The following DLGAP4 variants were observed in gnomAD, a reference collection of about 807,000 sequenced individuals.
The protein encoded by DLGAP4 is DLG associated protein 4, also known as disks large-associated protein 4.
DLGAP4 carries 18 observed loss-of-function variants against 86.9 expected under a neutral mutation model. The ratio of observed to expected loss-of-function variants is 0.21; its 90% CI spans 0.14 to 0.31. The LOEUF (loss-of-function observed/expected upper bound fraction) is 0.31. DLGAP4 is among the 10% of genes least tolerant of loss of function. The pLI is 1.00. For synonymous variants in DLGAP4, 548 were observed against 574.3 expected (o/e 0.95, Z 0.65); for missense variants, 1,085 against 1,362.6 (o/e 0.80, Z 3.21).
chr20:36,449,401 A>T (rs566903036), intron 7 of DLGAP4, among the ~76,000 whole-genome samples: 1 of 152,334 alleles, frequency 6.6e-6, no homozygotes, highest in South Asian at 2.1e-4. Flanking sequence ...CTGAAAATAT[A>T]GACTGGTCTG....
At chr20:36,516,784 A>G (rs1167597716) in intron 10 of DLGAP4, among the ~76,000 whole-genome samples, 4 of 151,212 alleles carry the variant, frequency 2.6e-5, no homozygotes, top group Middle Eastern at 3.4e-3. Context: ...GATATGAAGG[A>G]AAAAAAATCA....
Position 36,525,243 on chromosome 20 carries a change from A to C in DLGAP4, c.2605-608A>C, listed in dbSNP as rs1370690536. ...AAAAAAAAAAAAAAAAAAAAAAAAA[A>C]AAAAAAAAAAACAAAGAAATCCCAC... On this transcript the variant is annotated intron_variant, in intron 11 of 12. Coordinates refer to ENST00000339266, the MANE Select transcript of DLGAP4 (RefSeq NM_001365621.2). Among the ~76,000 whole-genome samples the C allele has an allele frequency of 3.7e-3, 307 of 83,692 alleles. 9 individuals are homozygous for C. Among genetic ancestry groups the C allele is most frequent in the African/African-American group, 9.0e-3 (287 of 32,066 alleles). The allele number at this position is 83,692 out of a possible 152,430, so 54.9% of individuals were successfully genotyped here. A position where few individuals can be genotyped will look rare whatever the true frequency, so the allele number is the denominator to read the frequency against.
At chr20:36,447,007 C>T (rs2033610077) in intron 7 of DLGAP4, 70 bp downstream of exon 7, 2 of 1,529,506 alleles carry the variant, frequency 1.3e-6, no homozygotes, top group African/African-American at 1.4e-5. Flanking sequence ...ACCTGGAGGG[C>T]CAGCCTGGGA....
intron 1 of DLGAP4, among the ~76,000 whole-genome samples, chr20:36,356,511 C>T (rs2030334274): frequency 6.6e-6 from 1 of 151,958 alleles, no homozygotes; most frequent in Admixed American, 6.6e-5. Context: ...GAGGTTTCAC[C>T]ATGTTGGCCA....
At chr20:36,516,302 T>C (rs141232417) in intron 10 of DLGAP4, among the ~76,000 whole-genome samples, 1 of 152,322 alleles carries the variant, frequency 6.6e-6, no homozygotes, top group African/African-American at 2.4e-5. Flanking sequence ...AGAATCCTTA[T>C]TCTAATCCTG....
At chr20:36,491,022 A>T (rs1269955762) in intron 7 of DLGAP4, among the ~76,000 whole-genome samples, 3 of 145,138 alleles carry the variant, frequency 2.1e-5, no homozygotes, top group Non-Finnish European at 4.5e-5. Flanking sequence ...GTGAAACCCC[A>T]TCTCTACTAA....
At chr20:36,420,673 A>AC (rs2032797371) in intron 2 of DLGAP4, among the ~76,000 whole-genome samples, 1 of 151,976 alleles carries the variant, frequency 6.6e-6, no homozygotes, top group South Asian at 2.1e-4. Flanking sequence ...CCTTGTCTCT[A>AC]TAAAAAACAC....
At chr20:36,412,463 G>C (rs891498380) in intron 2 of DLGAP4, among the ~76,000 whole-genome samples, 2 of 152,240 alleles carry the variant, frequency 1.3e-5, no homozygotes, top group African/African-American at 4.8e-5. Context: ...TCTCCTGAGA[G>C]CTGAGAAGCA....
Position 36,432,503 on chromosome 20 carries a change from T to C in DLGAP4, c.786T>C (p.Thr262=). The change falls in exon 3 of 13, where the codon ACT becomes ACC. Residue 262 remains threonine (T), a synonymous_variant. Coordinates refer to ENST00000339266, the MANE Select transcript of DLGAP4 (RefSeq NM_001365621.2). This position sits in a 1 kb window ranked among gnomAD's most constrained non-coding sequence, Gnocchi z 6.5. The stretch of plus-strand genomic sequence containing the variant: ...TCAAAACCACCAAGAACAACACTAC[T>C]GAGCTGACTGCCCCACCACCCCCGC... The part of the protein sequence containing the change: ...HMLKTTKNNT[T]ELTAPPPPPA... 1 of 1,612,454 alleles carries C rather than the reference T, an allele frequency of 6.2e-7. No individual in the cohort carries two copies. Among genetic ancestry groups the C allele is most frequent in the South Asian group, 1.1e-5 (1 of 91,014 alleles).
intron 10 of DLGAP4, among the ~76,000 whole-genome samples, chr20:36,517,267 A>G (rs1000648559): frequency 6.6e-6 from 1 of 151,908 alleles, no homozygotes; most frequent in African/African-American, 2.4e-5. Flanking sequence ...AATCCCAGCT[A>G]CTGGGGAGGC....
At chr20:36,388,540 A>G (rs962927650) in intron 2 of DLGAP4, among the ~76,000 whole-genome samples, 6 of 152,022 alleles carry the variant, frequency 3.9e-5, no homozygotes, top group African/African-American at 9.7e-5. Context: ...GTTCCCTCTG[A>G]TGTGCGTCAA....
intron 7 of DLGAP4, among the ~76,000 whole-genome samples, chr20:36,464,450 C>T (rs1272649829): frequency 2.6e-5 from 4 of 152,090 alleles, no homozygotes; most frequent in Admixed American, 6.5e-5. Flanking sequence ...TTCCCAGCTA[C>T]TTGGAGGAGG....
chr20:36,414,189 C>A (rs1044941158), intron 2 of DLGAP4, among the ~76,000 whole-genome samples: 1 of 152,216 alleles, frequency 6.6e-6, no homozygotes, highest in Non-Finnish European at 1.5e-5. Context: ...GGGGTCCCAG[C>A]CCCCACAAGC....
chr20:36,486,190 T>C (rs1308034271), intron 7 of DLGAP4, among the ~76,000 whole-genome samples: 4 of 152,176 alleles, frequency 2.6e-5, no homozygotes, highest in African/African-American at 9.7e-5. Flanking sequence ...AGCACCATGA[T>C]TATATAAGAT....
intron 2 of DLGAP4, among the ~76,000 whole-genome samples, chr20:36,387,294 G>A (rs762751359): frequency 5.3e-5 from 8 of 152,136 alleles, no homozygotes; most frequent in Non-Finnish European, 7.3e-5. Context: ...TGTGTTTAGC[G>A]GTCATCTGAA....
chr20:36,403,388 G>A (rs1236680980), intron 2 of DLGAP4, among the ~76,000 whole-genome samples: 1 of 152,132 alleles, frequency 6.6e-6, no homozygotes. Context: ...TGTCACAATG[G>A]CAATTAAATT....
chr20:36,434,132 T>C (rs1175551911), intron 3 of DLGAP4, among the ~76,000 whole-genome samples: 1 of 150,058 alleles, frequency 6.7e-6, no homozygotes, highest in Non-Finnish European at 1.5e-5. Flanking sequence ...TTAGTAGAGA[T>C]GGGGTTTTAT....
At chr20:36,451,015 C>T (rs536322501) in intron 7 of DLGAP4, among the ~76,000 whole-genome samples, 2 of 152,292 alleles carry the variant, frequency 1.3e-5, no homozygotes, top group South Asian at 4.1e-4. Flanking sequence ...TTAAAGAGAA[C>T]TTGGAGAATA....
chr20:36,419,317 A>C (rs1451099310), intron 2 of DLGAP4, among the ~76,000 whole-genome samples: 1 of 151,474 alleles, frequency 6.6e-6, no homozygotes, highest in Non-Finnish European at 1.5e-5. Context: ...TTTTGTAGAG[A>C]TGGGGTCCTC....
Sources: allele counts gnomAD v4.1 joint callset (sites outside exome capture counted in the v4.1 genomes callset), GRCh38; gene constraint gnomAD v4.1.1; non-coding constraint Gnocchi (gnomAD v3.1); transcripts MANE v1.5; gene names NCBI Gene and HGNC (gene_info 2026-07-23, HGNC 2026-07-21).